Variants in UGT2B28 observed in about 807,000 individuals in gnomAD.
UGT2B28 encodes the protein UDP-glucuronosyltransferase 2B28.
UGT2B28 carries 45 observed loss-of-function variants against 43.6 expected under a neutral mutation model. The observed-to-expected ratio is 1.03, with a 90% CI of 0.81 to 1.32. The LOEUF (loss-of-function observed/expected upper bound fraction) is 1.32, where lower values mean the gene tolerates loss of function less well. Ranked by LOEUF, UGT2B28 falls within the 40% of genes most tolerant of loss-of-function variation. UGT2B28 has a pLI of 0.00. For missense variants in UGT2B28, 649 were observed against 625.5 expected (o/e 1.04, Z -0.40); for synonymous variants, 204 against 208.1 (o/e 0.98, Z 0.17).
At position 69,280,977 on chromosome 4, in the gene UGT2B28, G is replaced by T. The variant is rs779910310; in HGVS notation, c.477G>T (p.Leu159=). Reference sequence around the variant, plus strand: ...ATGCTTTTTTTCCTTGTGGTGAGCTGCTGGCTGCGCTACTTAACATACCGT... The same window carrying T: ...ATGCTTTTTTTCCTTGTGGTGAGCTTCTGGCTGCGCTACTTAACATACCGT... ...FADAFFPCGE[L]LAALLNIPFV... Residue 159 remains leucine, a synonymous_variant, in exon 1 of 6, where the codon CTG becomes CTT. Transcript: ENST00000335568. The T allele has an allele frequency of 6.4e-7, 1 of 1,559,872 alleles. No homozygotes were observed. The highest frequency in any genetic ancestry group is 1.8e-5 in the Admixed American group (1 of 56,284).
rs1269764358 is a variant in UGT2B28, at chr4:69,281,064, T to A, written c.564T>A (p.Ile188=). 2 of 1,559,726 alleles carry A rather than the reference T, an allele frequency of 1.3e-6. No homozygotes were observed. Among genetic ancestry groups the A allele is most frequent in the East Asian group, 2.3e-5 (1 of 43,564 alleles). ...YTIERHSGGL[I]FPPSYIPVVM... ...TTGAAAGGCACAGTGGAGGACTGAT[T>A]TTCCCTCCTTCCTACATACCTGTTG... The change falls in exon 1 of 6, where the codon ATT becomes ATA. Residue 188 remains isoleucine, a synonymous_variant. Transcript: ENST00000335568.
At position 69,286,865 on chromosome 4, in the gene UGT2B28, T is replaced by A. The variant is rs558522591; in HGVS notation, c.984T>A (p.Leu328=). ...AERANVIATA[L]AKIPQKVLWR... ...GGGCCAACGTAATTGCAACAGCCCT[T>A]GCCAAGATCCCACAAAAGGTAAGAT... is the stretch of plus-strand genomic sequence containing the variant. Residue 328 remains leucine, a synonymous_variant, in exon 3 of 6, where the codon CTT becomes CTA. Coordinates refer to ENST00000335568, the MANE Select transcript of UGT2B28 (RefSeq NM_053039.2). 2 of 1,555,654 alleles carry A rather than the reference T, an allele frequency of 1.3e-6. No homozygotes were observed. Among genetic ancestry groups the A allele is most frequent in the African/African-American group, 3.1e-5 (2 of 65,070 alleles).
chr4:69,291,275 A>G (rs1723948007), intron 5 of UGT2B28, among the ~76,000 whole-genome samples: 1 of 139,914 alleles, frequency 7.1e-6, no homozygotes, highest in African/African-American at 2.8e-5. Context: ...TTTATGCCAT[A>G]AAATCCAAAT....
chr4:69,287,378 C>T lies in UGT2B28; in HGVS notation c.1002+495C>T, dbSNP rs1420803703. Among the ~76,000 whole-genome samples, 2 of 140,606 alleles carry T rather than the reference C, an allele frequency of 1.4e-5. 1 individual carries two copies. Among genetic ancestry groups the T allele is most frequent in the African/African-American group, 5.6e-5 (2 of 35,992 alleles). The allele number at this position is 140,606 out of a possible 152,430, so 92.2% of individuals were successfully genotyped here. ...TTCAAAGCTGTTTTCCTAATCTCAG[C>T]AGTATCTAATGAGTGAAGAAGATTT... On this transcript the variant is annotated intron_variant, in intron 3 of 5. Coordinates refer to ENST00000335568, the MANE Select transcript of UGT2B28 (RefSeq NM_053039.2).
At chr4:69,293,749 G>A (rs1256022770) in intron 5 of UGT2B28, among the ~76,000 whole-genome samples, 3 of 140,374 alleles carry the variant, frequency 2.1e-5, no homozygotes, top group Non-Finnish European at 4.6e-5. Context: ...TTAGAAAAGA[G>A]CTTGCCAGTG....
chr4:69,286,205 T>C (rs569260456), intron 2 of UGT2B28, among the ~76,000 whole-genome samples: 1 of 141,586 alleles, frequency 7.1e-6, no homozygotes, highest in Non-Finnish European at 1.5e-5. Flanking sequence ...AAGTGAAGCA[T>C]AAAGCATTGT....
chr4:69,288,763 C>T lies in UGT2B28; in HGVS notation c.1003-902C>T, dbSNP rs565881196. ...TCCTCCCACCCTCCACCATCCTATA[C>T]ATCTCAGTGTATGTTGTTGCCATCT... On this transcript the variant is annotated intron_variant, in intron 3 of 5. Coordinates refer to ENST00000335568, the MANE Select transcript of UGT2B28 (RefSeq NM_053039.2). Among the ~76,000 whole-genome samples, 14 of 138,930 alleles carry T rather than the reference C, an allele frequency of 1.0e-4. 2 individuals carry two copies. Among genetic ancestry groups the T allele is most frequent in the Middle Eastern group, 3.7e-3 (1 of 272 alleles). 91.1% of individuals were successfully genotyped at this position (138,930 alleles called of 152,430 possible).
At position 69,280,544 on chromosome 4, in the gene UGT2B28, G is replaced by C. The variant is rs1407880788; in HGVS notation, c.44G>C (p.Gly15Ala). The C allele has an allele frequency of 1.9e-6, 3 of 1,559,676 alleles. No homozygotes were observed. The highest frequency in any genetic ancestry group is 3.6e-5 in the Admixed American group (2 of 56,234). The change falls in exon 1 of 6, where the codon GGT becomes GCT. Residue 15 changes from glycine (G) to alanine (A), a missense_variant. Gly to Ala is a moderately conservative substitution (Grantham distance 60). Transcript: ENST00000335568. ...TCAGTTCTTCTGCTGATACATCTCG[G>C]TTGTTACTTTAGCTCTGGGAGTTGT... The part of the protein sequence containing the change: ...WTSVLLLIHL[G>A]CYFSSGSCGK...
intron 1 of UGT2B28, among the ~76,000 whole-genome samples, chr4:69,281,579 T>C (rs888935601): frequency 1.4e-5 from 2 of 140,976 alleles, no homozygotes; most frequent in African/African-American, 5.5e-5. Flanking sequence ...TTAGAATGAG[T>C]AATTACACAT....
chr4:69,285,179 A>C (rs1196585905), intron 2 of UGT2B28, among the ~76,000 whole-genome samples: 1 of 139,912 alleles, frequency 7.1e-6, no homozygotes, highest in Non-Finnish European at 1.5e-5. Flanking sequence ...GAAATTTTCT[A>C]AATAAGTGTC....
Position 69,280,850 on chromosome 4 carries a change from G to T in UGT2B28, c.350G>T (p.Trp117Leu). ...TTTTCACAAGAACAAGAAATCCTGT[G>T]GGAATTTCATGACATATTTAGAAAC... Reference protein sequence around the residue: ...LYFSQEQEILWEFHDIFRNFC... With the variant: ...LYFSQEQEILLEFHDIFRNFC... The change falls in exon 1 of 6, where the codon TGG (tryptophan) becomes TTG (leucine). Residue 117 changes from tryptophan (W) to leucine (L), a missense_variant. Physicochemically the swap from Trp to Leu is moderately conservative, Grantham distance 61. Coordinates refer to ENST00000335568, the MANE Select transcript of UGT2B28 (RefSeq NM_053039.2). 6.4e-7 allele frequency: 1 copy of T among 1,559,900 alleles called. No individual in the cohort carries two copies. The highest frequency in any genetic ancestry group is 8.7e-7 in the Non-Finnish European group (1 of 1,155,656).
rs1458310606 is a variant in UGT2B28, at chr4:69,289,396, T to TA, written c.1003-264dup. ...GGTTGGCCGCAGGTAGGTCTTTTTTTAAAAAGTGTAACAATTTTTTGAATA... is the reference window on the plus strand; with the variant it reads ...GGTTGGCCGCAGGTAGGTCTTTTTTTAAAAAAGTGTAACAATTTTTTGAATA... On this transcript the variant is annotated intron_variant, in intron 3 of 5. Transcript: ENST00000335568. 2.1e-5 allele frequency among the ~76,000 whole-genome samples: 3 copies of TA among 140,834 alleles called. 1 individual carries two copies. The highest frequency in any genetic ancestry group is 4.6e-5 in the Non-Finnish European group (3 of 65,832). 92.4% of individuals were successfully genotyped at this position (140,834 alleles called of 152,430 possible).
intron 3 of UGT2B28, among the ~76,000 whole-genome samples, chr4:69,288,657 A>G (rs13138824): frequency 0.45 from 61,435 of 138,056 alleles, 19,283 homozygotes; most frequent in Non-Finnish European, 0.53. Flanking sequence ...AACTTGTGTC[A>G]TGGGGTTTTG....
In UGT2B28 at chr4:69,282,507, C is replaced by T. The variant is rs1560563957; in HGVS notation, c.722-7C>T. The T allele has an allele frequency of 4.6e-6, 7 of 1,535,808 alleles. 2 individuals are homozygous for T. The highest frequency in any genetic ancestry group is 6.1e-6 in the Non-Finnish European group (7 of 1,148,378). On this transcript the variant is annotated splice_region_variant and splice_polypyrimidine_tract_variant and intron_variant, in intron 1 of 5. Coordinates refer to ENST00000335568, the MANE Select transcript of UGT2B28 (RefSeq NM_053039.2). Reference sequence around the variant, plus strand: ...CATCCACTTTTTCTTTTCTTTATTCCTGTCAGGAAGACCCACTACCTTATT... The same window carrying T: ...CATCCACTTTTTCTTTTCTTTATTCTTGTCAGGAAGACCCACTACCTTATT...
At chr4:69,282,903 C>T (rs1389824438) in intron 2 of UGT2B28, among the ~76,000 whole-genome samples, 6 of 138,292 alleles carry the variant, frequency 4.3e-5, no homozygotes, top group Non-Finnish European at 9.3e-5. Flanking sequence ...TGATTAAAGT[C>T]TTGATTATGC....
rs1463043174 is a variant in UGT2B28, at chr4:69,286,843, C to T, written c.962C>T (p.Ala321Val). 1.3e-6 allele frequency: 2 copies of T among 1,556,044 alleles called. No individual in the cohort carries two copies. Among genetic ancestry groups the T allele is most frequent in the East Asian group, 4.6e-5 (2 of 43,436 alleles). ...ATAAGTAACATGACAGCAGAAAGGG[C>T]CAACGTAATTGCAACAGCCCTTGCC... ...SVISNMTAER[A>V]NVIATALAKI... The change falls in exon 3 of 6, where the codon GCC becomes GTC. Residue 321 changes from alanine (A) to valine (V), a missense_variant. By Grantham distance (64) the Ala-to-Val change is moderately conservative. Transcript: ENST00000335568.
chr4:69,287,475 A>G lies in UGT2B28; in HGVS notation c.1002+592A>G, dbSNP rs1196338700. Among the ~76,000 whole-genome samples, 3 of 140,944 alleles carry G rather than the reference A, an allele frequency of 2.1e-5. 1 individual carries two copies. In the Admixed American group the frequency reaches 2.1e-4, roughly 10 times the overall value. 92.5% of individuals were successfully genotyped at this position (140,944 alleles called of 152,430 possible). ...CTTGGTGAATGTTTACAATTAAGGA[A>G]TGTACTATTTCTGTTTGTACTTTAA... On this transcript the variant is annotated intron_variant, in intron 3 of 5. Transcript: ENST00000335568.
rs2109690998 is a variant in UGT2B28, at chr4:69,287,941, T to A, written c.1002+1058T>A. 1.4e-5 allele frequency among the ~76,000 whole-genome samples: 2 copies of A among 140,824 alleles called. 1 individual carries two copies. Among genetic ancestry groups the A allele is most frequent in the African/African-American group, 5.5e-5 (2 of 36,072 alleles). 92.4% of individuals were successfully genotyped at this position (140,824 alleles called of 152,430 possible). ...TTAAACACTGTAAATTATTGTTCAC[T>A]TTATGAGGATTGCTTTGGAGTTTCA... On this transcript the variant is annotated intron_variant, in intron 3 of 5. Coordinates refer to ENST00000335568, the MANE Select transcript of UGT2B28 (RefSeq NM_053039.2).
chr4:69,282,548 A>G lies in UGT2B28; in HGVS notation c.756A>G (p.Lys252=). ...CTACCTTATTTGAGACAATGGGGAAAGCTGACATATGGCTTATGCGAAACT... is the reference window on the plus strand; with the variant it reads ...CTACCTTATTTGAGACAATGGGGAAGGCTGACATATGGCTTATGCGAAACT... ...RPTTLFETMG[K]ADIWLMRNSW... is the part of the protein sequence containing the mutation. Residue 252 remains lysine, a synonymous_variant, in exon 2 of 6, where the codon AAA becomes AAG. Transcript: ENST00000335568. 6.4e-7 allele frequency: 1 copy of G among 1,551,054 alleles called. No individual in the cohort carries two copies. The highest frequency in any genetic ancestry group is 8.7e-7 in the Non-Finnish European group (1 of 1,152,662).
Sources: gnomAD v4.1 joint callset for allele counts (sites outside exome capture counted in the v4.1 genomes callset) on GRCh38, gnomAD v4.1.1 for gene constraint, MANE v1.5 for transcripts, NCBI Gene and HGNC (gene_info 2026-07-23, HGNC 2026-07-21) for gene names.